The following TRAPPC12 variants were observed in gnomAD, a reference collection of about 807,000 sequenced individuals.
TRAPPC12 encodes the protein trafficking protein particle complex subunit 12, also known as TPR repeat protein 15.
TRAPPC12 carries 61 observed loss-of-function variants against 69.2 expected under a neutral mutation model. The ratio of observed to expected loss-of-function variants is 0.88; its 90% confidence interval spans 0.72 to 1.09. The LOEUF is 1.09. Among genes scored for constraint, TRAPPC12 ranks in the 50% least tolerant of loss-of-function variants. TRAPPC12 has a pLI of 0.00. For missense variants in TRAPPC12, 1,101 were observed against 1,016.4 expected (o/e 1.08, Z -1.13); for synonymous variants, 469 against 438.9 (o/e 1.07, Z -0.86).
chr2:3,426,194 C>G (rs1158836964), intron 5 of TRAPPC12, among the ~76,000 whole-genome samples: 3 of 152,056 alleles, frequency 2.0e-5, no homozygotes. Context: ...GGGAATTTGC[C>G]CCTTGTGGAA....
chr2:3,381,206 G>A (rs1446828558), intron 1 of TRAPPC12, among the ~76,000 whole-genome samples: 1 of 152,174 alleles, frequency 6.6e-6, no homozygotes, highest in Non-Finnish European at 1.5e-5. Context: ...GATCTGTAGT[G>A]AGTGTTCATT....
chr2:3,415,855 TGCAG>T (rs780236596), intron 3 of TRAPPC12, among the ~76,000 whole-genome samples: 78 of 152,264 alleles, frequency 5.1e-4, no homozygotes, highest in African/African-American at 1.9e-3. Flanking sequence ...TAGCTGGGAC[TGCAG>T]GCGCCCACCA....
intron 5 of TRAPPC12, among the ~76,000 whole-genome samples, chr2:3,433,527 G>C (rs1296357337): frequency 6.6e-6 from 1 of 152,202 alleles, no homozygotes; most frequent in Non-Finnish European, 1.5e-5. Context: ...GAGGATGTGA[G>C]CCACCCAGCA....
At chr2:3,475,892 C>T (rs1269373233) in intron 9 of TRAPPC12, among the ~76,000 whole-genome samples, 8 of 152,372 alleles carry the variant, frequency 5.3e-5, no homozygotes, top group Non-Finnish European at 8.8e-5. Context: ...GCGCTTGCCA[C>T]GGCCGCCGGC....
chr2:3,396,089 T>C (rs1378786541), intron 2 of TRAPPC12, among the ~76,000 whole-genome samples: 1 of 152,188 alleles, frequency 6.6e-6, no homozygotes, highest in Non-Finnish European at 1.5e-5. Flanking sequence ...GGTCTTGAAC[T>C]CATGACCTCA....
intron 2 of TRAPPC12, among the ~76,000 whole-genome samples, chr2:3,390,079 G>A (rs1464024955): frequency 1.3e-5 from 2 of 152,176 alleles, no homozygotes; most frequent in Non-Finnish European, 2.9e-5. Flanking sequence ...CACATGGGAC[G>A]AAAGGTTCTC....
chr2:3,420,714 A>T (rs184167074), intron 3 of TRAPPC12, among the ~76,000 whole-genome samples: 4 of 152,328 alleles, frequency 2.6e-5, no homozygotes, highest in Admixed American at 2.6e-4. Context: ...ACTGTAGTGC[A>T]AAGCTGAGAC....
At chr2:3,464,547 A>G (rs1372143453) in intron 8 of TRAPPC12, among the ~76,000 whole-genome samples, 1 of 152,242 alleles carries the variant, frequency 6.6e-6, no homozygotes, top group Non-Finnish European at 1.5e-5. Context: ...GAAGAAAAAC[A>G]CCATTGGTGG....
At chr2:3,392,069 C>T (rs35171042) in intron 2 of TRAPPC12, among the ~76,000 whole-genome samples, 39,285 of 151,960 alleles carry the variant, frequency 0.26, 5,291 homozygotes, top group East Asian at 0.45. Flanking sequence ...AGGTGTTTCA[C>T]TTTGGTTGAC....
At chr2:3,432,441 CAAATT>C (rs1387209872) in intron 5 of TRAPPC12, among the ~76,000 whole-genome samples, 3 of 152,344 alleles carry the variant, frequency 2.0e-5, no homozygotes, top group South Asian at 2.1e-4. Context: ...TTTGAGTTCT[CAAATT>C]AAATTCTGAA....
intron 3 of TRAPPC12, among the ~76,000 whole-genome samples, chr2:3,416,421 G>A (rs1458892766): frequency 1.3e-5 from 2 of 152,072 alleles, no homozygotes; most frequent in Non-Finnish European, 1.5e-5. Context: ...GTCCTTGGAA[G>A]CTGAGAGCAG....
chr2:3,472,804 G>A (rs185979865), intron 9 of TRAPPC12, among the ~76,000 whole-genome samples: 70 of 152,268 alleles, frequency 4.6e-4, no homozygotes, highest in Admixed American at 4.2e-3. Flanking sequence ...GCAGGGGAGA[G>A]ACTGGACTCA....
At chr2:3,391,138 A>G (rs1041697404) in intron 2 of TRAPPC12, among the ~76,000 whole-genome samples, 1 of 152,292 alleles carries the variant, frequency 6.6e-6, no homozygotes. Context: ...TTGCAACCAA[A>G]TTGTGGGACA....
intron 6 of TRAPPC12, among the ~76,000 whole-genome samples, chr2:3,448,336 C>A (rs1664630177): frequency 6.6e-6 from 1 of 152,200 alleles, no homozygotes; most frequent in East Asian, 1.9e-4. Context: ...CAAATACAGA[C>A]TTTTCTCTGA....
intron 6 of TRAPPC12, among the ~76,000 whole-genome samples, chr2:3,457,384 G>A (rs889788878): frequency 2.0e-5 from 3 of 152,086 alleles, no homozygotes; most frequent in African/African-American, 7.2e-5. Context: ...CCCAACCTCA[G>A]CATCACCCAG....
intron 9 of TRAPPC12, among the ~76,000 whole-genome samples, chr2:3,473,103 C>G (rs745982191): frequency 2.6e-5 from 4 of 152,218 alleles, no homozygotes; most frequent in Admixed American, 1.3e-4. Context: ...GAGGAGGCTT[C>G]TGCACGGATG....
chr2:3,462,947 A>C (rs1164735593), intron 8 of TRAPPC12: 1 of 471,052 alleles, frequency 2.1e-6, no homozygotes, highest in African/African-American at 2.0e-5. Context: ...GTCTTGCTGA[A>C]ATTAGACTGC....
chr2:3,479,380 G>T lies in TRAPPC12; in HGVS notation c.2127G>T (p.Met709Ile). ...TMYELESSRSMQKKQALLEAV... is the reference protein window; with the variant it reads ...TMYELESSRSIQKKQALLEAV... The stretch of plus-strand genomic sequence containing the variant: ...ACGAGCTGGAGTCCTCACGGAGCAT[G>T]CAGAAGAAACAGGCCCTGCTGGAGG... Residue 709 changes from methionine to isoleucine, a missense_variant, in exon 12 of 12, where the codon ATG becomes ATT. Transcript: ENST00000324266. 1 of 1,614,190 alleles carries T rather than the reference G, an allele frequency of 6.2e-7. No individual in the cohort carries two copies. Among genetic ancestry groups the T allele is most frequent in the African/African-American group, 1.3e-5 (1 of 75,074 alleles).
chr2:3,473,511 G>A (rs370337876), intron 9 of TRAPPC12, among the ~76,000 whole-genome samples: 14 of 152,150 alleles, frequency 9.2e-5, no homozygotes, highest in South Asian at 6.2e-4. Context: ...ACGAGGCCTC[G>A]CTCTGTCACC....
Sources: allele counts gnomAD v4.1 joint callset (sites outside exome capture counted in the v4.1 genomes callset), GRCh38; gene constraint gnomAD v4.1.1; transcripts MANE v1.5; gene names NCBI Gene and HGNC (gene_info 2026-07-23, HGNC 2026-07-21).